Variants in BANP observed in about 807,000 individuals in gnomAD.
The protein encoded by BANP is protein BANP.
In BANP, 11 loss-of-function variants were observed where a neutral mutation model predicts 68.1. The ratio of observed to expected loss-of-function variants is 0.16; its 90% CI spans 0.10 to 0.27. BANP has a LOEUF of 0.27. Among genes scored for constraint, BANP ranks in the 10% least tolerant of loss-of-function variants. BANP has a pLI of 1.00. For missense variants in BANP, 504 were observed against 722.7 expected (o/e 0.70, Z 3.47); for synonymous variants, 329 against 303.2 (o/e 1.09, Z -0.88).
intron 13 of BANP, 90 bp downstream of exon 13, chr16:88,072,302 G>A (rs1385537272): frequency 1.2e-5 from 17 of 1,444,692 alleles, no homozygotes; most frequent in Admixed American, 1.1e-4. Flanking sequence ...GGGCTTTCTC[G>A]TGACTCTTCC....
intron 2 of BANP, chr16:87,978,618 A>T (rs756038126): frequency 4.3e-6 from 2 of 470,128 alleles, no homozygotes; most frequent in African/African-American, 4.0e-5. Flanking sequence ...AGGAGTCATG[A>T]GGCCGAAGGC....
intron 13 of BANP, among the ~76,000 whole-genome samples, chr16:88,073,048 A>T (rs1328864621): frequency 1.3e-5 from 2 of 152,188 alleles, no homozygotes; most frequent in Non-Finnish European, 2.9e-5. Flanking sequence ...CTTAGAATTA[A>T]AATCCTAGAT....
At chr16:87,972,247 AT>A (rs778774244) in intron 1 of BANP, among the ~76,000 whole-genome samples, 4 of 151,432 alleles carry the variant, frequency 2.6e-5, no homozygotes, top group Non-Finnish European at 4.4e-5. Flanking sequence ...CATTGTGTTT[AT>A]TTGTTCTAAG....
chr16:87,976,275 C>T (rs2062102993), intron 2 of BANP, among the ~76,000 whole-genome samples: 1 of 152,150 alleles, frequency 6.6e-6, no homozygotes. Flanking sequence ...CTTCCACGGA[C>T]AGTGCTTGAG....
upstream of BANP, among the ~76,000 whole-genome samples, chr16:87,950,177 A>G (rs1324266591): frequency 5.3e-5 from 8 of 152,108 alleles, no homozygotes; most frequent in Admixed American, 5.2e-4. Context: ...GCGCCCGGCC[A>G]GCATTTTCTT....
chr16:87,984,977 G>A (rs1340726777), intron 4 of BANP, among the ~76,000 whole-genome samples: 1 of 152,222 alleles, frequency 6.6e-6, no homozygotes, highest in East Asian at 1.9e-4. Flanking sequence ...TCCCTGGCCT[G>A]GCTGTAGCCT....
chr16:88,062,843 G>T (rs1006723648), intron 11 of BANP, among the ~76,000 whole-genome samples: 2 of 152,210 alleles, frequency 1.3e-5, no homozygotes, highest in Admixed American at 1.3e-4. Flanking sequence ...CTGAAGGCCT[G>T]CATCAGACTT....
intron 11 of BANP, among the ~76,000 whole-genome samples, chr16:88,062,389 G>A (rs2087071713): frequency 6.6e-6 from 1 of 152,230 alleles, no homozygotes; most frequent in Non-Finnish European, 1.5e-5. Context: ...AACCAGATGT[G>A]TGTGCTCAAA....
chr16:88,024,842 A>C (rs185915187), intron 7 of BANP, among the ~76,000 whole-genome samples: 107 of 152,372 alleles, frequency 7.0e-4, no homozygotes, highest in African/African-American at 2.5e-3. Context: ...TTTTTTATTT[A>C]ATAAGTGTGA....
At chr16:87,970,652 T>C (rs1283587060) in intron 1 of BANP, among the ~76,000 whole-genome samples, 1 of 152,228 alleles carries the variant, frequency 6.6e-6, no homozygotes, top group African/African-American at 2.4e-5. Flanking sequence ...GTTACCGTTG[T>C]TGATAGTCTG....
intron 11 of BANP, among the ~76,000 whole-genome samples, chr16:88,054,492 C>G (rs2084450921): frequency 6.6e-6 from 1 of 152,014 alleles, no homozygotes; most frequent in Non-Finnish European, 1.5e-5. Context: ...ACACATCTAT[C>G]ACAGCATGAC....
intron 11 of BANP, among the ~76,000 whole-genome samples, chr16:88,060,352 T>C (rs1339868169): frequency 6.6e-6 from 1 of 152,194 alleles, no homozygotes; most frequent in Non-Finnish European, 1.5e-5. Flanking sequence ...GGGGCTGAGA[T>C]TGGAAAGGCT....
intron 13 of BANP, among the ~76,000 whole-genome samples, chr16:88,075,405 A>G (rs1239315001): frequency 2.0e-5 from 3 of 152,166 alleles, no homozygotes; most frequent in Non-Finnish European, 2.9e-5. Flanking sequence ...TGGGAGGCTG[A>G]GGTGGGAGGA....
intron 3 of BANP, chr16:87,982,765 A>T (rs1360108686): frequency 6.6e-6 from 1 of 152,208 alleles, no homozygotes; most frequent in Admixed American, 6.5e-5. Context: ...GTTGGGCAAT[A>T]TGTGGATTTT....
At chr16:88,011,077 C>G (rs577706314) in intron 6 of BANP, among the ~76,000 whole-genome samples, 3 of 152,330 alleles carry the variant, frequency 2.0e-5, no homozygotes, top group Non-Finnish European at 4.4e-5. Flanking sequence ...AAGCGGGAGA[C>G]AGCAGCGTGA....
chr16:88,066,438 G>A (rs972343953), intron 12 of BANP, among the ~76,000 whole-genome samples: 1 of 152,188 alleles, frequency 6.6e-6, no homozygotes, highest in Admixed American at 6.5e-5. Flanking sequence ...GCCACCTGGT[G>A]AAGGGCCTCG....
intron 6 of BANP, among the ~76,000 whole-genome samples, chr16:88,007,858 T>A (rs2071711006): frequency 6.6e-6 from 1 of 152,200 alleles, no homozygotes; most frequent in East Asian, 1.9e-4. Flanking sequence ...TGATCTTTTT[T>A]TTTTTTCCAA....
At chr16:88,039,355 C>A (rs1238079490) in intron 11 of BANP, among the ~76,000 whole-genome samples, 1 of 143,002 alleles carries the variant, frequency 7.0e-6, no homozygotes, top group Non-Finnish European at 1.6e-5. Context: ...TTCTCCGCGC[C>A]TTTGTCCCGT....
chr16:88,074,067 GCT>G (rs2091061172), intron 13 of BANP, among the ~76,000 whole-genome samples: 1 of 152,222 alleles, frequency 6.6e-6, no homozygotes. Context: ...CAAGGGCCCA[GCT>G]CTCTGCCTTA....
Sources: gnomAD v4.1 joint callset for allele counts (sites outside exome capture counted in the v4.1 genomes callset) on GRCh38, gnomAD v4.1.1 for gene constraint, MANE v1.5 for transcripts, NCBI Gene and HGNC (gene_info 2026-07-23, HGNC 2026-07-21) for gene names.